ZCCHC7: variants seen among roughly 807,000 people sequenced by gnomAD.
ZCCHC7 encodes the protein zinc finger CCHC domain-containing protein 7.
Under a neutral mutation model 52.0 loss-of-function variants are expected in ZCCHC7, and 35 were observed. The ratio of observed to expected loss-of-function variants is 0.67; its 90% CI spans 0.51 to 0.89. The LOEUF is 0.89. ZCCHC7 is among the 40% of genes least tolerant of loss of function. ZCCHC7 has a pLI of 0.00. For missense variants in ZCCHC7, 574 were observed against 649.1 expected (o/e 0.88, Z 1.26); for synonymous variants, 217 against 221.5 (o/e 0.98, Z 0.18).
intron 2 of ZCCHC7, among the ~76,000 whole-genome samples, chr9:37,221,842 G>A (rs1480015306): frequency 6.6e-6 from 1 of 152,096 alleles, no homozygotes; most frequent in Non-Finnish European, 1.5e-5. Context: ...ATGGAAACTA[G>A]TGGAGTATGT....
intron 3 of ZCCHC7, among the ~76,000 whole-genome samples, chr9:37,303,117 T>C (rs902484308): frequency 6.6e-6 from 1 of 152,094 alleles, no homozygotes; most frequent in African/African-American, 2.4e-5. Context: ...ATGGTGTACA[T>C]TCAGTTATAG....
chr9:37,194,905 T>C (rs1261563817), intron 2 of ZCCHC7, among the ~76,000 whole-genome samples: 2 of 152,054 alleles, frequency 1.3e-5, no homozygotes, highest in African/African-American at 4.8e-5. Flanking sequence ...CTCAGGTGGG[T>C]ATAGCAGAAC....
chr9:37,305,074 C>A (rs1048080811), intron 4 of ZCCHC7, among the ~76,000 whole-genome samples: 2 of 152,200 alleles, frequency 1.3e-5, no homozygotes, highest in Admixed American at 1.3e-4. Context: ...AGATCTTAGA[C>A]GTTTCCTGAC....
chr9:37,121,248 C>G (rs1310096275), intron 1 of ZCCHC7, among the ~76,000 whole-genome samples: 1 of 152,218 alleles, frequency 6.6e-6, no homozygotes, highest in African/African-American at 2.4e-5. Flanking sequence ...GGCCTGGGTT[C>G]TAGCCGTGGC....
intron 2 of ZCCHC7, among the ~76,000 whole-genome samples, chr9:37,297,282 C>A (rs954845068): frequency 1.3e-5 from 2 of 152,136 alleles, no homozygotes; most frequent in Admixed American, 1.3e-4. Flanking sequence ...TTAGATAGCA[C>A]ATATTATTCT....
chr9:37,322,764 T>C (rs1443961536), intron 5 of ZCCHC7, among the ~76,000 whole-genome samples: 2 of 151,894 alleles, frequency 1.3e-5, no homozygotes, highest in Non-Finnish European at 2.9e-5. Flanking sequence ...CATTGTTTTA[T>C]TTTTTCCTCT....
chr9:37,339,543 G>T (rs1238309959), intron 6 of ZCCHC7, among the ~76,000 whole-genome samples: 1 of 152,176 alleles, frequency 6.6e-6, no homozygotes, highest in African/African-American at 2.4e-5. Flanking sequence ...AAATATGAAA[G>T]AATAAGGTTG....
intron 2 of ZCCHC7, chr9:37,187,189 CT>C (rs1272732607): frequency 6.6e-6 from 1 of 152,238 alleles, no homozygotes; most frequent in Non-Finnish European, 1.5e-5. Flanking sequence ...AATAATACAT[CT>C]TTTCAACTGT....
intron 5 of ZCCHC7, chr9:37,327,388 C>A (rs1830289279): frequency 6.3e-6 from 1 of 159,436 alleles, no homozygotes; most frequent in African/African-American, 2.4e-5. Flanking sequence ...GTGAAGTCTT[C>A]TTAAAGCAGT....
At chr9:37,288,348 AT>A (rs34571526) in intron 2 of ZCCHC7, among the ~76,000 whole-genome samples, 2,172 of 141,442 alleles carry the variant, frequency 0.015, 49 homozygotes, top group African/African-American at 0.049. Flanking sequence ...AGGTAGATAG[AT>A]TTTTTTTTTT....
chr9:37,192,352 T>A (rs1298908244), intron 2 of ZCCHC7, among the ~76,000 whole-genome samples: 2 of 152,224 alleles, frequency 1.3e-5, no homozygotes, highest in Non-Finnish European at 2.9e-5. Flanking sequence ...CATTTTACCC[T>A]TTGAGCCATA....
chr9:37,355,715 C>T (rs949428060), intron 8 of ZCCHC7, among the ~76,000 whole-genome samples: 8 of 152,126 alleles, frequency 5.3e-5, no homozygotes, highest in Non-Finnish European at 1.2e-4. Flanking sequence ...AAAAAGTAGC[C>T]GTTCGTATAC....
chr9:37,279,224 A>G (rs1432754341), intron 2 of ZCCHC7, among the ~76,000 whole-genome samples: 4 of 152,144 alleles, frequency 2.6e-5, no homozygotes, highest in Non-Finnish European at 5.9e-5. Context: ...AAAAAAAGTA[A>G]CATTGGGTGA....
intron 2 of ZCCHC7, among the ~76,000 whole-genome samples, chr9:37,254,207 T>G (rs908024481): frequency 9.9e-5 from 15 of 152,112 alleles, no homozygotes; most frequent in South Asian, 2.1e-4. Context: ...AACTGGCAGG[T>G]TTTTTAATCT....
At chr9:37,345,248 T>C (rs1336091681) in intron 6 of ZCCHC7, among the ~76,000 whole-genome samples, 1 of 152,248 alleles carries the variant, frequency 6.6e-6, no homozygotes, top group African/African-American at 2.4e-5. Flanking sequence ...TCATCTCTTT[T>C]GTTTTTATTT....
chr9:37,206,287 C>A (rs1273652580), intron 2 of ZCCHC7, among the ~76,000 whole-genome samples: 1 of 149,816 alleles, frequency 6.7e-6, no homozygotes. Flanking sequence ...TTTCTCCCTC[C>A]CTTCCCCCTT....
intron 6 of ZCCHC7, among the ~76,000 whole-genome samples, chr9:37,334,204 A>G (rs899349151): frequency 6.6e-6 from 1 of 151,974 alleles, no homozygotes; most frequent in African/African-American, 2.4e-5. Flanking sequence ...TTTATTAATT[A>G]TATTCCGAGT....
At chr9:37,232,223 C>T (rs1462045071) in intron 2 of ZCCHC7, among the ~76,000 whole-genome samples, 4 of 152,140 alleles carry the variant, frequency 2.6e-5, no homozygotes, top group African/African-American at 4.8e-5. Context: ...TGAACAGTAT[C>T]GATGCGGAAA....
chr9:37,126,366 T>C lies in ZCCHC7; in HGVS notation c.34T>C (p.Tyr12His), dbSNP rs752482897. ...MFGGYETIEA[Y>H]EDDLYRDESS... The stretch of plus-strand genomic sequence containing the variant: ...TGGTGGCTATGAGACTATAGAAGCA[T>C]ACGAAGATGATCTTTATCGAGATGA... The change falls in exon 2 of 9, where the codon TAC (tyrosine) becomes CAC (histidine). Residue 12 changes from tyrosine to histidine, a missense_variant. Coordinates refer to ENST00000336755, the MANE Select transcript of ZCCHC7 (RefSeq NM_032226.3). The C allele has an allele frequency of 6.2e-7, 1 of 1,614,024 alleles. No homozygotes were observed. Among genetic ancestry groups the C allele is most frequent in the Admixed American group, 1.7e-5 (1 of 60,028 alleles).
Sources: gnomAD v4.1 joint callset for allele counts (sites outside exome capture counted in the v4.1 genomes callset) on GRCh38, gnomAD v4.1.1 for gene constraint, MANE v1.5 for transcripts, NCBI Gene and HGNC (gene_info 2026-07-23, HGNC 2026-07-21) for gene names.